The following ZNF77 variants were observed in gnomAD, a reference collection of about 807,000 sequenced individuals.
ZNF77 encodes the protein zinc finger protein 77.
A neutral mutation model predicts 13.5 loss-of-function variants in ZNF77; 15 were observed. The ratio of observed to expected loss-of-function variants is 1.11; its 90% confidence interval spans 0.74 to 1.71. ZNF77 has a LOEUF of 1.71. ZNF77 is among the 40% of genes most tolerant of loss of function. The pLI, the probability that ZNF77 is intolerant of heterozygous loss-of-function variation, is 0.00. For missense variants in ZNF77, 717 were observed against 676.4 expected, an observed-to-expected ratio of 1.06 and a Z score of -0.67; for synonymous variants, 282 against 250.0, an observed-to-expected ratio of 1.13 and a Z score of -1.21.
chr19:2,936,471 G>A (rs2144961587), intron 3 of ZNF77, 53 bp downstream of exon 3: 2 of 1,506,892 alleles, frequency 1.3e-6, no homozygotes, highest in East Asian at 2.5e-5. Context: ...TGAATTGCAA[G>A]TTAGTTTGAT....
In ZNF77 at chr19:2,933,992, G is replaced by A. The variant is rs779911205; in HGVS notation, c.1135C>T (p.Pro379Ser). 3.7e-6 allele frequency: 6 copies of A among 1,614,182 alleles called. No homozygotes were observed. Among genetic ancestry groups the A allele is most frequent in the Non-Finnish European group, 1.7e-6 (2 of 1,180,036 alleles). Residue 379 changes from proline to serine, a missense_variant, in exon 4 of 4, where the codon CCC (proline) becomes TCC (serine). Coordinates refer to ENST00000314531, the MANE Select transcript of ZNF77 (RefSeq NM_021217.3). ...TTCCCACACTGCTTGCACACATAGG[G>A]CTTCTCTCCGGTGTGCATTCTCATG... Reference protein sequence around the residue: ...AHMRMHTGEKPYVCKQCGKAF... With the variant: ...AHMRMHTGEKSYVCKQCGKAF...
intron 1 of ZNF77, among the ~76,000 whole-genome samples, chr19:2,942,345 C>G (rs10418565): frequency 0.097 from 14,036 of 145,292 alleles, 2,278 homozygotes; most frequent in African/African-American, 0.34. Flanking sequence ...GCTAGGATTA[C>G]AGGTGTGAGC....
chr19:2,934,218 T>C lies in ZNF77; in HGVS notation c.909A>G (p.Lys303=), dbSNP rs1599616537. The change falls in exon 4 of 4, where the codon AAA becomes AAG. Residue 303 remains lysine, a synonymous_variant. Transcript: ENST00000314531. Reference sequence around the variant, plus strand: ...TAAAGGAGGAGTAACAGCTGAATGATTTTCCACAATGCTTACATTCATACG... The same window carrying C: ...TAAAGGAGGAGTAACAGCTGAATGACTTTCCACAATGCTTACATTCATACG... The part of the protein sequence containing the change: ...EKPYECKHCG[K]SFSCYSSFRD... 6.8e-6 allele frequency: 11 copies of C among 1,614,154 alleles called. No individual in the cohort carries two copies. Among genetic ancestry groups the C allele is most frequent in the Non-Finnish European group, 8.5e-6 (10 of 1,180,044 alleles).
intron 2 of ZNF77, among the ~76,000 whole-genome samples, chr19:2,939,032 T>A (rs2088425110): frequency 9.7e-6 from 1 of 103,618 alleles, no homozygotes; most frequent in Non-Finnish European, 2.4e-5. Context: ...GATGCCACCC[T>A]TACCCAAGGA....
At chr19:2,936,477 T>A in intron 3 of ZNF77, 47 bp downstream of exon 3, 2 of 1,519,090 alleles carry the variant, frequency 1.3e-6, no homozygotes, top group Non-Finnish European at 1.8e-6. Context: ...GCAAGTTAGT[T>A]TGATGCTCTG....
In ZNF77 at chr19:2,936,507, G is replaced by A. The variant is rs77028199; in HGVS notation, c.311+17C>T. The A allele has an allele frequency of 1.4e-3, 2,171 of 1,572,332 alleles. 13 individuals carry two copies. The African/African-American group carries it at 0.023, about 17-fold the overall frequency. The stretch of plus-strand genomic sequence containing the variant: ...GCTCTGCGGAGAGGCCCATCCCTCC[G>A]GTTGAGCGCCACTCACCTCAGATGC... On this transcript the variant is annotated intron_variant, in intron 3 of 3. Coordinates refer to ENST00000314531, the MANE Select transcript of ZNF77 (RefSeq NM_021217.3).
intron 1 of ZNF77, among the ~76,000 whole-genome samples, chr19:2,941,598 C>T (rs1380716163): frequency 2.0e-5 from 3 of 152,064 alleles, no homozygotes; most frequent in Non-Finnish European, 4.4e-5. Context: ...CAAAGGGTCC[C>T]ATGCAGAAAA....
At chr19:2,936,242 G>A (rs1443459592) in intron 3 of ZNF77, among the ~76,000 whole-genome samples, 2 of 151,832 alleles carry the variant, frequency 1.3e-5, no homozygotes, top group East Asian at 1.9e-4. Context: ...CCGCCTCCTG[G>A]GTTCAAGCGA....
At chr19:2,935,203 A>G (rs1474021228) in intron 3 of ZNF77, among the ~76,000 whole-genome samples, 3 of 146,278 alleles carry the variant, frequency 2.1e-5, no homozygotes, top group Non-Finnish European at 4.5e-5. Flanking sequence ...GTATTTTAGT[A>G]GAGATGAGGT....
chr19:2,933,382 A>AT lies in ZNF77; in HGVS notation c.*106_*107insA. On this transcript the variant is annotated 3_prime_UTR_variant, in exon 4 of 4. Transcript: ENST00000314531. ...TACTCTGAATTTTTAGGTACAAAAT[A>AT]AGTGCTATACCAGGTTTTCCTACAT... 7.4e-7 allele frequency: 1 copy of AT among 1,352,530 alleles called. No homozygotes were observed. The highest frequency in any genetic ancestry group is 9.9e-7 in the Non-Finnish European group (1 of 1,010,636). 83.8% of individuals were successfully genotyped at this position (1,352,530 alleles called of 1,614,324 possible).
chr19:2,938,773 G>GTA (rs2088420582), intron 2 of ZNF77, among the ~76,000 whole-genome samples: 1 of 151,936 alleles, frequency 6.6e-6, no homozygotes, highest in Non-Finnish European at 1.5e-5. Context: ...TGGCTAACAC[G>GTA]GTGAAACCCC....
Position 2,933,651 on chromosome 19 carries a change from G to A in ZNF77, c.1476C>T (p.Tyr492=), listed in dbSNP as rs34789013. Residue 492 remains tyrosine (Y), a synonymous_variant, in exon 4 of 4, where the codon TAC becomes TAT. Coordinates refer to ENST00000314531, the MANE Select transcript of ZNF77 (RefSeq NM_021217.3). The stretch of plus-strand genomic sequence containing the variant: ...AGGCTTTCCCACATTCAGTACATTC[G>A]TAGGGTTTGACCCCACTGTGTGATC... The part of the protein sequence containing the change: ...HVRSHSGVKP[Y]ECTECGKAYS... 2.5e-5 allele frequency: 40 copies of A among 1,607,960 alleles called. No individual in the cohort carries two copies. The highest frequency in any genetic ancestry group is 1.7e-4 in the Middle Eastern group (1 of 6,060).
chr19:2,943,593 G>A (rs1029676382), intron 1 of ZNF77, among the ~76,000 whole-genome samples: 3 of 149,612 alleles, frequency 2.0e-5, no homozygotes, highest in Non-Finnish European at 3.0e-5. Flanking sequence ...ACCTTTTCTT[G>A]TGTATGAAAG....
Position 2,940,815 on chromosome 19 carries a change from G to T in ZNF77, c.4-1408C>A, listed in dbSNP as rs188644966. Among the ~76,000 whole-genome samples, 298 of 148,546 alleles carry T rather than the reference G, an allele frequency of 2.0e-3. 2 individuals are homozygous for T. The highest frequency in any genetic ancestry group is 7.4e-3 in the African/African-American group (284 of 38,260). On this transcript the variant is annotated intron_variant, in intron 1 of 3. Coordinates refer to ENST00000314531, the MANE Select transcript of ZNF77 (RefSeq NM_021217.3). ...GGCTGTCGTTACACACTGTTCACTT[G>T]AGGACGTTTCCACTGACTCTGTAAT...
At position 2,936,571 on chromosome 19, in the gene ZNF77, T is replaced by C. The variant is rs1568192660; in HGVS notation, c.264A>G (p.Arg88=). ...GGTGCTGATCTCCAGTGTTATCAAA[T>C]CTCCAATTTTCTCCAAAAATAGACC... ...DSWSIFGENW[R]FDNTGDQHQI... The change falls in exon 3 of 4, where the codon AGA becomes AGG. Residue 88 remains arginine (R), a synonymous_variant. Coordinates refer to ENST00000314531, the MANE Select transcript of ZNF77 (RefSeq NM_021217.3). The C allele has an allele frequency of 1.1e-5, 17 of 1,611,260 alleles. No individual in the cohort carries two copies. The highest frequency in any genetic ancestry group is 1.4e-5 in the Non-Finnish European group (17 of 1,179,288).
At chr19:2,935,288 G>T (rs2088386042) in intron 3 of ZNF77, among the ~76,000 whole-genome samples, 1 of 149,848 alleles carries the variant, frequency 6.7e-6, no homozygotes, top group Non-Finnish European at 1.5e-5. Flanking sequence ...AAAGTGCTGG[G>T]ATTACAGGTG....
rs1463531711 is a variant in ZNF77 at position 2,934,772 on chromosome 19, A to G, written c.355T>C (p.Cys119Arg). Residue 119 changes from cysteine to arginine, a missense_variant, in exon 4 of 4, where the codon TGC becomes CGC. Cys to Arg is a radical substitution (Grantham distance 180, BLOSUM62 -3). Transcript: ENST00000314531. Reference protein sequence around the residue: ...RLCESNEGHQCGETLSQTANL... With the variant: ...RLCESNEGHQRGETLSQTANL... The stretch of plus-strand genomic sequence containing the variant: ...GCAGTCTGGCTCAAGGTCTCTCCGC[A>G]TTGATGACCTTCATTACTTTCACAG... 1 of 1,613,698 alleles carries G rather than the reference A, an allele frequency of 6.2e-7. No individual in the cohort carries two copies. Among genetic ancestry groups the G allele is most frequent in the Non-Finnish European group, 8.5e-7 (1 of 1,179,686 alleles).
At chr19:2,938,498 T>C (rs528955616) in intron 2 of ZNF77, among the ~76,000 whole-genome samples, 3 of 152,332 alleles carry the variant, frequency 2.0e-5, no homozygotes, top group African/African-American at 7.2e-5. Flanking sequence ...ACTTATAAAA[T>C]GTGGGCAGCC....
intron 1 of ZNF77, among the ~76,000 whole-genome samples, chr19:2,942,084 T>G (rs1708589421): frequency 6.6e-6 from 1 of 151,862 alleles, no homozygotes; most frequent in African/African-American, 2.4e-5. Flanking sequence ...TCTTTTTTTT[T>G]TTTTTGAGAC....
Sources: allele counts gnomAD v4.1 joint callset (sites outside exome capture counted in the v4.1 genomes callset), GRCh38; gene constraint gnomAD v4.1.1; transcripts MANE v1.5; gene names NCBI Gene and HGNC (gene_info 2026-07-23, HGNC 2026-07-21).